Variants in GABRA1 observed in about 807,000 individuals in gnomAD.
GABRA1 encodes gamma-aminobutyric acid type A receptor subunit alpha1.
In GABRA1, 9 loss-of-function variants were observed where a neutral mutation model predicts 48.9. The observed-to-expected ratio is 0.18, with a 90% confidence interval of 0.11 to 0.32. The LOEUF (loss-of-function observed/expected upper bound fraction) is 0.32. Among genes scored for constraint, GABRA1 ranks in the 10% least tolerant of loss-of-function variants. The pLI is 1.00. For missense variants in GABRA1, 285 were observed against 553.8 expected, an observed-to-expected ratio of 0.51 and a Z score of 4.87; for synonymous variants, 210 against 198.7, an observed-to-expected ratio of 1.06 and a Z score of -0.48.
intron 6 of GABRA1, among the ~76,000 whole-genome samples, chr5:161,879,551 T>C (rs1280421242): frequency 6.6e-6 from 1 of 152,210 alleles, no homozygotes; most frequent in Non-Finnish European, 1.5e-5. Flanking sequence ...CAAGTACATT[T>C]TCATAGGAAC....
At chr5:161,888,185 A>G (rs1366704290) in intron 7 of GABRA1, among the ~76,000 whole-genome samples, 1 of 152,162 alleles carries the variant, frequency 6.6e-6, no homozygotes, top group Non-Finnish European at 1.5e-5. Context: ...AAATAATTTG[A>G]CATGCTTTGT....
At chr5:161,868,279 T>A (rs894939739) in intron 4 of GABRA1, among the ~76,000 whole-genome samples, 3 of 152,158 alleles carry the variant, frequency 2.0e-5, no homozygotes, top group Non-Finnish European at 4.4e-5. Flanking sequence ...ATAGGCAGTG[T>A]TGACTTTCCT....
At position 161,895,649 on chromosome 5, in the gene GABRA1, T is replaced by C. The variant is rs202004673; in HGVS notation, c.857-17T>C. 3.7e-6 allele frequency: 6 copies of C among 1,608,932 alleles called. No homozygotes were observed. The highest frequency in any genetic ancestry group is 1.7e-5 in the Admixed American group (1 of 59,660). On this transcript the variant is annotated splice_polypyrimidine_tract_variant and intron_variant, in intron 8 of 9. Coordinates refer to ENST00000393943, the MANE Select transcript of GABRA1 (RefSeq NM_001127644.2). ...AGTATGAACTGGCATCATGTATGTTTTTTTTTTTCTTTACAGGAGTAACAA... is the reference window on the plus strand; with the variant it reads ...AGTATGAACTGGCATCATGTATGTTCTTTTTTTTCTTTACAGGAGTAACAA...
chr5:161,873,218 T>C lies in GABRA1; in HGVS notation c.357T>C (p.Ser119=). 6.2e-7 allele frequency: 1 copy of C among 1,613,816 alleles called. No individual in the cohort carries two copies. Among genetic ancestry groups the C allele is most frequent in the Non-Finnish European group, 8.5e-7 (1 of 1,179,776 alleles). The change falls in exon 5 of 10, where the codon AGT becomes AGC. Residue 119 remains serine (S), a synonymous_variant. Coordinates refer to ENST00000393943, the MANE Select transcript of GABRA1 (RefSeq NM_001127644.2). ...TCCGGTTAAATAACCTAATGGCAAGTAAAATCTGGACTCCGGACACATTTT... is the reference window on the plus strand; with the variant it reads ...TCCGGTTAAATAACCTAATGGCAAGCAAAATCTGGACTCCGGACACATTTT... ...TVLRLNNLMA[S]KIWTPDTFFH...
intron 4 of GABRA1, among the ~76,000 whole-genome samples, chr5:161,866,185 A>G (rs1157738331): frequency 6.6e-6 from 1 of 152,106 alleles, no homozygotes; most frequent in Non-Finnish European, 1.5e-5. Context: ...TGATTTCTAA[A>G]TTATTTTTGG....
At chr5:161,859,872 G>C (rs1430407663) in intron 3 of GABRA1, among the ~76,000 whole-genome samples, 1 of 151,370 alleles carries the variant, frequency 6.6e-6, no homozygotes, top group African/African-American at 2.4e-5. Flanking sequence ...CCAATCTCTT[G>C]TTGTTGTTTT....
intron 9 of GABRA1, among the ~76,000 whole-genome samples, chr5:161,896,784 G>A (rs1394786713): frequency 6.6e-6 from 1 of 152,114 alleles, no homozygotes; most frequent in Non-Finnish European, 1.5e-5. Context: ...GCATATTAAA[G>A]GGGCTAAGAA....
At chr5:161,853,626 T>C (rs1757535070) in intron 2 of GABRA1, 1 of 151,894 alleles carries the variant, frequency 6.6e-6, no homozygotes, top group Non-Finnish European at 1.5e-5. Flanking sequence ...TGTAAAAATA[T>C]AATTGTCCTA....
rs936726802 is a variant in GABRA1, at chr5:161,893,448, AT to A, written c.857-2209del. ...ATGCTTTTTAGTTTGAACTCAGCAC[AT>A]TTTTTTTTCTGAGCTCTGTGAGAAG... On this transcript the variant is annotated intron_variant, in intron 8 of 9. Coordinates refer to ENST00000393943, the MANE Select transcript of GABRA1 (RefSeq NM_001127644.2). Among the ~76,000 whole-genome samples the A allele has an allele frequency of 1.3e-4, 19 of 151,412 alleles. No individual in the cohort carries two copies. In the East Asian group the frequency reaches 1.7e-3, roughly 14 times the overall value.
intron 3 of GABRA1, among the ~76,000 whole-genome samples, chr5:161,864,070 A>G (rs1205802760): frequency 2.6e-4 from 40 of 152,122 alleles, no homozygotes; most frequent in Non-Finnish European, 8.8e-5. Context: ...GATATATTAG[A>G]GAGGAAAGTA....
At chr5:161,888,831 G>C (rs931991234) in intron 7 of GABRA1, among the ~76,000 whole-genome samples, 3 of 151,872 alleles carry the variant, frequency 2.0e-5, no homozygotes, top group African/African-American at 7.3e-5. Flanking sequence ...AATTAATCTG[G>C]TAACATTCCA....
rs1456108584 is a variant in GABRA1, at chr5:161,895,641, T to C, written c.857-25T>C. 3.8e-6 allele frequency: 6 copies of C among 1,592,984 alleles called. No individual in the cohort carries two copies. The South Asian group carries it at 6.6e-5, about 18-fold the overall frequency. On this transcript the variant is annotated intron_variant, in intron 8 of 9. Transcript: ENST00000393943. Reference sequence around the variant, plus strand: ...AATTTCACAGTATGAACTGGCATCATGTATGTTTTTTTTTTTCTTTACAGG... The same window carrying C: ...AATTTCACAGTATGAACTGGCATCACGTATGTTTTTTTTTTTCTTTACAGG...
intron 1 of GABRA1, chr5:161,850,081 T>TTTTGTGTGTG (rs1554083637): frequency 6.8e-6 from 1 of 147,910 alleles, no homozygotes; most frequent in African/African-American, 2.5e-5. Flanking sequence ...TTGTGTGCAT[T>TTTTGTGTGTG]TGTGTGTGTG....
intron 6 of GABRA1, chr5:161,882,175 C>T (rs1280007385): frequency 2.1e-5 from 6 of 287,864 alleles, no homozygotes; most frequent in South Asian, 3.6e-5. Context: ...TATCCTTTTA[C>T]TCGGTTGTGT....
intron 7 of GABRA1, among the ~76,000 whole-genome samples, chr5:161,883,772 G>A (rs780244932): frequency 1.3e-5 from 2 of 151,946 alleles, no homozygotes; most frequent in Non-Finnish European, 2.9e-5. Flanking sequence ...ATAATAGGTC[G>A]ACCTCTCTTG....
At chr5:161,851,176 C>T (rs1210314241) in intron 2 of GABRA1, among the ~76,000 whole-genome samples, 1 of 152,076 alleles carries the variant, frequency 6.6e-6, no homozygotes, top group Non-Finnish European at 1.5e-5. Context: ...CGTGCGGTTT[C>T]CTAATTCATA....
rs527416473 is a variant in GABRA1, at chr5:161,895,785, T to C, written c.976T>C (p.Ser326Pro). The change falls in exon 9 of 10, where the codon TCA (serine) becomes CCA (proline). Residue 326 changes from serine to proline, a missense_variant. Ser to Pro is a moderately conservative substitution (Grantham distance 74). Around this residue, in one of 6 missense-constraint regions of GABRA1, gnomAD observed 14 missense variants for 113.8 expected, o/e 0.12. Transcript: ENST00000393943. ...TGCCGTGTGCTATGCCTTTGTGTTC[T>C]CAGCTCTGATTGAGTTTGCCACAGT... ...FIAVCYAFVFSALIEFATVNY... is the reference protein window; with the variant it reads ...FIAVCYAFVFPALIEFATVNY... 1 of 1,614,074 alleles carries C rather than the reference T, an allele frequency of 6.2e-7. No homozygotes were observed. The highest frequency in any genetic ancestry group is 1.1e-5 in the South Asian group (1 of 91,084).
chr5:161,863,495 A>G (rs1757936638), intron 3 of GABRA1, among the ~76,000 whole-genome samples: 2 of 152,122 alleles, frequency 1.3e-5, no homozygotes, highest in South Asian at 2.1e-4. Context: ...ACCAGATCTC[A>G]GGTGAACTCA....
chr5:161,873,800 G>A (rs6894357), intron 5 of GABRA1, among the ~76,000 whole-genome samples: 67,781 of 151,904 alleles, frequency 0.45, 15,623 homozygotes, highest in East Asian at 0.62. Context: ...TCACAATGGC[G>A]TTGATAGCTA....
Sources: gnomAD v4.1 joint callset for allele counts (sites outside exome capture counted in the v4.1 genomes callset) on GRCh38, gnomAD v4.1.1 for gene constraint, gnomAD v4.1.1 regional missense constraint, MANE v1.5 for transcripts, NCBI Gene and HGNC (gene_info 2026-07-23, HGNC 2026-07-21) for gene names.